KLRG1: variants seen among roughly 807,000 people sequenced by gnomAD.
KLRG1 encodes the protein killer cell lectin like receptor G1, also known as killer cell lectin-like receptor subfamily G member 1.
KLRG1 carries 16 observed loss-of-function variants against 21.8 expected under a neutral mutation model. The observed-to-expected ratio is 0.73, with a 90% CI of 0.50 to 1.11. KLRG1 has a LOEUF of 1.11. Among genes scored for constraint, KLRG1 ranks in the 50% most tolerant of loss-of-function variants. The probability of loss-of-function intolerance (pLI) is 0.00; values close to 1 mark genes in which losing one functional copy is unlikely to be tolerated. For synonymous variants in KLRG1, 69 were observed against 75.9 expected (o/e 0.91, Z 0.47); for missense variants, 173 against 218.3 (o/e 0.79, Z 1.31).
At chr12:9,100,235 A>G in the KLRG1 span, among the ~76,000 whole-genome samples, 1 of 152,170 alleles carries the variant, frequency 6.6e-6, no homozygotes, top group East Asian at 1.9e-4. Flanking sequence ...TAATAATATA[A>G]ATGACATAAA....
At chr12:8,970,515 A>T (rs1306797414) in intron 1 of KLRG1, 1 of 152,222 alleles carries the variant, frequency 6.6e-6, no homozygotes, top group Non-Finnish European at 1.5e-5. Context: ...TTGGGCCCAG[A>T]TGGCTTCACT....
chr12:9,094,818 G>C, the KLRG1 span, among the ~76,000 whole-genome samples: 1 of 152,044 alleles, frequency 6.6e-6, no homozygotes, highest in African/African-American at 2.4e-5. Flanking sequence ...ACTAGAATTT[G>C]AGTTTATATT....
At chr12:9,045,571 G>T in the KLRG1 span, among the ~76,000 whole-genome samples, 1 of 152,262 alleles carries the variant, frequency 6.6e-6, no homozygotes, top group African/African-American at 2.4e-5. Flanking sequence ...GAATTAACAG[G>T]CTGGAAATTT....
At chr12:9,044,223 AG>A in the KLRG1 span, among the ~76,000 whole-genome samples, 1 of 152,260 alleles carries the variant, frequency 6.6e-6, no homozygotes, top group Non-Finnish European at 1.5e-5. Flanking sequence ...TTGATGAAAT[AG>A]AAAAAAAGAA....
chr12:9,012,701 G>T (rs1947648904), downstream of KLRG1, among the ~76,000 whole-genome samples: 1 of 151,990 alleles, frequency 6.6e-6, no homozygotes, highest in East Asian at 1.9e-4. Context: ...AGAGCACCAA[G>T]TAAGCACCTG....
At chr12:8,991,706 A>G (rs1052616720) in intron 1 of KLRG1, among the ~76,000 whole-genome samples, 2 of 152,214 alleles carry the variant, frequency 1.3e-5, no homozygotes, top group East Asian at 1.9e-4. Flanking sequence ...CTTTATGGAT[A>G]TATCAAAAAT....
At chr12:9,091,554 G>A in the KLRG1 span, 10 of 959,486 alleles carry the variant, frequency 1.0e-5, no homozygotes, top group Non-Finnish European at 1.5e-5. Context: ...ACCAATAATG[G>A]AGAGTATAAT....
chr12:8,971,932 A>G (rs1379708576), intron 1 of KLRG1, among the ~76,000 whole-genome samples: 1 of 152,222 alleles, frequency 6.6e-6, no homozygotes, highest in East Asian at 1.9e-4. Flanking sequence ...TGGTTTACAA[A>G]TATTTTCTCC....
At chr12:9,122,660 G>A in the KLRG1 span, among the ~76,000 whole-genome samples, 60 of 151,918 alleles carry the variant, frequency 3.9e-4, no homozygotes, top group African/African-American at 1.1e-3. Context: ...TTGAACTGTC[G>A]GTCCCTAAAC....
At chr12:9,126,876 G>A in the KLRG1 span, among the ~76,000 whole-genome samples, 2 of 152,212 alleles carry the variant, frequency 1.3e-5, no homozygotes, top group African/African-American at 4.8e-5. Flanking sequence ...CAATGCTGAA[G>A]TGTATTAGAC....
At chr12:9,186,826 G>C in the KLRG1 span, among the ~76,000 whole-genome samples, 3 of 105,466 alleles carry the variant, frequency 2.8e-5, no homozygotes, top group African/African-American at 3.8e-5. Context: ...ACAGGGAGGG[G>C]AACATCACAC....
the KLRG1 span, among the ~76,000 whole-genome samples, chr12:9,158,757 C>CTT: frequency 2.4e-5 from 3 of 125,432 alleles, no homozygotes; most frequent in Admixed American, 8.7e-5. Flanking sequence ...CTTTTCTTTT[C>CTT]TTTTTTTTTT....
the KLRG1 span, chr12:9,107,635 A>G: frequency 4.3e-6 from 7 of 1,613,810 alleles, no homozygotes; most frequent in African/African-American, 9.3e-5. Context: ...CAGGCTTCCC[A>G]TATGTGTATC....
At chr12:9,103,354 T>C in the KLRG1 span, among the ~76,000 whole-genome samples, 2 of 152,196 alleles carry the variant, frequency 1.3e-5, no homozygotes, top group Non-Finnish European at 1.5e-5. Flanking sequence ...GTTGAGCCAG[T>C]ATTTTTAACC....
In KLRG1 at chr12:8,955,375, ATTTTTTTTTTTTTTTTTTTTT is replaced by A. The variant is rs61263683; in HGVS notation, c.-156+5156_-156+5176del. ...AGTCCTAGAGGCAACTATTGCTCTG[ATTTTTTTTTTTTTTTTTTTTT>A]TTTTTTTTTTTTTTTTGAGATAGAG... On this transcript the variant is annotated intron_variant, in intron 1 of 4. Coordinates refer to the KLRG1 transcript ENST00000539240. Among the ~76,000 whole-genome samples the A allele has an allele frequency of 1.3e-4, 9 of 71,334 alleles. No homozygotes were observed. In the East Asian group the frequency reaches 2.8e-3, roughly 22 times the overall value. The allele number at this position is 71,334 out of a possible 152,430, so 46.8% of individuals were successfully genotyped here. A position where few individuals can be genotyped will look rare whatever the true frequency, so the allele number is the denominator to read the frequency against.
chr12:9,148,955 TA>T, the KLRG1 span: 1 of 1,602,986 alleles, frequency 6.2e-7, no homozygotes, highest in Non-Finnish European at 8.5e-7. Context: ...CACCAAAATA[TA>T]CAGCCTGTAT....
At chr12:8,984,880 C>G (rs1463451279), upstream of KLRG1, among the ~76,000 whole-genome samples, 2 of 152,064 alleles carry the variant, frequency 1.3e-5, no homozygotes, top group African/African-American at 4.8e-5. Flanking sequence ...GTTATGTATC[C>G]TCTTTTTTGA....
At chr12:9,011,544 C>A (rs181091946), downstream of KLRG1, among the ~76,000 whole-genome samples, 17 of 152,188 alleles carry the variant, frequency 1.1e-4, no homozygotes, top group Admixed American at 8.5e-4. Flanking sequence ...TGAAGAAAAT[C>A]CAGGAACACA....
the KLRG1 span, chr12:9,169,283 C>G: frequency 1.2e-6 from 1 of 823,978 alleles, no homozygotes; most frequent in Non-Finnish European, 1.8e-6. Flanking sequence ...TCACAAGAGA[C>G]TTTAACCTTT....
Sources: allele counts gnomAD v4.1 joint callset (sites outside exome capture counted in the v4.1 genomes callset), GRCh38; gene constraint gnomAD v4.1.1; transcripts MANE v1.5; gene names NCBI Gene and HGNC (gene_info 2026-07-23, HGNC 2026-07-21).